The following NEXN variants were observed in gnomAD, a reference collection of about 807,000 sequenced individuals.
NEXN encodes the protein nexilin.
Under a neutral mutation model 92.6 loss-of-function variants are expected in NEXN, and 65 were observed. The observed-to-expected ratio is 0.70, with a 90% CI of 0.57 to 0.86. The LOEUF (loss-of-function observed/expected upper bound fraction) is 0.86. Ranked by LOEUF, NEXN falls within the 40% of genes least tolerant of loss-of-function variation. The pLI is 0.00. For missense variants in NEXN, 778 were observed against 771.1 expected (o/e 1.01, Z -0.11); for synonymous variants, 254 against 242.5 (o/e 1.05, Z -0.44).
intron 8 of NEXN, among the ~76,000 whole-genome samples, chr1:77,927,594 GTGTGTGTC>G (rs1350342760): frequency 4.1e-5 from 6 of 145,700 alleles, no homozygotes; most frequent in East Asian, 2.0e-4. Context: ...GCCTCTGTGT[GTGTGTGTC>G]TGTGTGTGTG....
At chr1:77,892,278 A>G (rs1281440090) in intron 1 of NEXN, among the ~76,000 whole-genome samples, 2 of 152,156 alleles carry the variant, frequency 1.3e-5, no homozygotes, top group African/African-American at 4.8e-5. Flanking sequence ...TGAATTGTAA[A>G]ATGGTGAAGT....
Position 77,929,497 on chromosome 1 carries a change from G to A in NEXN, c.1046G>A (p.Arg349Lys). The A allele has an allele frequency of 6.2e-7, 1 of 1,612,382 alleles. No individual in the cohort carries two copies. Among genetic ancestry groups the A allele is most frequent in the Non-Finnish European group, 8.5e-7 (1 of 1,179,826 alleles). ...AAGAAGGCGTTTGCTGAAGCAAGGA[G>A]AAATATGGTAAGACAGAAGCTAACT... The part of the protein sequence containing the change: ...EEKKAFAEAR[R>K]NMVVDDDSPE... Residue 349 changes from arginine (R) to lysine (K), a missense_variant, in exon 9 of 13, where the codon AGA (arginine) becomes AAA (lysine). By Grantham distance (26) the Arg-to-Lys change is conservative. This residue lies in a region of NEXN where 532 missense variants were observed against 476.7 expected (regional missense o/e 1.12). Coordinates refer to ENST00000334785, the MANE Select transcript of NEXN (RefSeq NM_144573.4).
chr1:77,907,627 T>A (rs1180342500), intron 1 of NEXN, among the ~76,000 whole-genome samples: 1 of 152,172 alleles, frequency 6.6e-6, no homozygotes, highest in Non-Finnish European at 1.5e-5. Flanking sequence ...AATGACATTT[T>A]AAAAAACGAT....
rs542308004 is a variant in NEXN at position 77,894,931 on chromosome 1, G to T, written c.-53+6172G>T. On this transcript the variant is annotated intron_variant, in intron 1 of 12. Coordinates refer to ENST00000334785, the MANE Select transcript of NEXN (RefSeq NM_144573.4). Reference sequence around the variant, plus strand: ...GAGTTTCACCATGTTGGCCAGGCTGGTCTCGAACTCCTTAGCTCGGGCAAT... The same window carrying T: ...GAGTTTCACCATGTTGGCCAGGCTGTTCTCGAACTCCTTAGCTCGGGCAAT... 4.0e-5 allele frequency among the ~76,000 whole-genome samples: 6 copies of T among 150,720 alleles called. No individual in the cohort carries two copies. The South Asian group carries it at 1.3e-3, about 31-fold the overall frequency.
Position 77,922,996 on chromosome 1 carries a change from T to C in NEXN, c.448-2192T>C, listed in dbSNP as rs185236596. Among the ~76,000 whole-genome samples the C allele has an allele frequency of 1.7e-4, 26 of 150,308 alleles. No individual in the cohort carries two copies. The East Asian group carries it at 4.8e-3, about 28-fold the overall frequency. The stretch of plus-strand genomic sequence containing the variant: ...CAGAATAATTTATTTTTCAAGAAAT[T>C]GGGTGTCTTTTTTTTTTTTTTTTTT... On this transcript the variant is annotated intron_variant, in intron 5 of 12. Transcript: ENST00000334785.
Position 77,937,523 on chromosome 1 carries a change from CTACAAAAA to C in NEXN, c.1473+1489_1473+1496del, listed in dbSNP as rs1171698970. 7.9e-5 allele frequency among the ~76,000 whole-genome samples: 12 copies of C among 152,130 alleles called. No homozygotes were observed. The East Asian group carries it at 2.1e-3, about 27-fold the overall frequency. ...TGGCCAACATAGTGAAACCCTGTCTCTACAAAAATACAAAAATTAGCCAGGCATAATGG... is the reference window on the plus strand; with the variant it reads ...TGGCCAACATAGTGAAACCCTGTCTCTACAAAAATTAGCCAGGCATAATGG... On this transcript the variant is annotated intron_variant, in intron 11 of 12. Transcript: ENST00000334785.
intron 1 of NEXN, among the ~76,000 whole-genome samples, chr1:77,890,900 A>G (rs1647092119): frequency 6.6e-6 from 1 of 152,220 alleles, no homozygotes; most frequent in Non-Finnish European, 1.5e-5. Flanking sequence ...TGTAGGCCAC[A>G]CACACACAGA....
chr1:77,907,314 C>T (rs770309450), intron 1 of NEXN, among the ~76,000 whole-genome samples: 23 of 152,166 alleles, frequency 1.5e-4, no homozygotes, highest in Admixed American at 2.6e-4. Flanking sequence ...TCATACTTCC[C>T]TTTTAATTAA....
intron 11 of NEXN, among the ~76,000 whole-genome samples, chr1:77,937,171 G>A (rs1335401259): frequency 1.3e-5 from 2 of 152,076 alleles, no homozygotes; most frequent in African/African-American, 4.8e-5. Context: ...GAGCACAGTG[G>A]TGCATGTCTG....
At chr1:77,909,911 C>T (rs562267601) in intron 1 of NEXN, among the ~76,000 whole-genome samples, 12 of 152,276 alleles carry the variant, frequency 7.9e-5, no homozygotes, top group African/African-American at 2.9e-4. Context: ...ATAACTTACA[C>T]AACCAATAAT....
intron 1 of NEXN, among the ~76,000 whole-genome samples, chr1:77,910,073 A>G (rs763758062): frequency 7.2e-5 from 11 of 152,246 alleles, no homozygotes; most frequent in South Asian, 2.1e-4. Context: ...GTAACTCACA[A>G]TATTAATAAA....
At chr1:77,933,122 T>C (rs763500599) in intron 9 of NEXN, 160 bp from the exon 10 acceptor site, 13 of 547,696 alleles carry the variant, frequency 2.4e-5, no homozygotes, top group African/African-American at 7.6e-5. Flanking sequence ...GATCACATCA[T>C]TGCACTCCAG....
chr1:77,921,876 T>A (rs1279168796), intron 5 of NEXN, among the ~76,000 whole-genome samples: 1 of 152,100 alleles, frequency 6.6e-6, no homozygotes, highest in Non-Finnish European at 1.5e-5. Flanking sequence ...ATTGCACCAC[T>A]GTACTCAAGC....
At chr1:77,925,848 T>A (rs981651829) in intron 6 of NEXN, among the ~76,000 whole-genome samples, 1 of 152,030 alleles carries the variant, frequency 6.6e-6, no homozygotes, top group Non-Finnish European at 1.5e-5. Flanking sequence ...AACAACAGAT[T>A]ATATAATTAA....
At position 77,918,135 on chromosome 1, in the gene NEXN, G is replaced by A. The variant is rs1451884986; in HGVS notation, c.309G>A (p.Lys103=). The A allele has an allele frequency of 6.2e-7, 1 of 1,613,888 alleles. No homozygotes were observed. The highest frequency in any genetic ancestry group is 8.5e-7 in the Non-Finnish European group (1 of 1,179,948). ...TTCATATATTTTTAGGAACTGTGAAGGGTAGATTTGCTGAAATGGAGAAAC... is the reference window on the plus strand; with the variant it reads ...TTCATATATTTTTAGGAACTGTGAAAGGTAGATTTGCTGAAATGGAGAAAC... The part of the protein sequence containing the change: ...AYVPKLTGTV[K]GRFAEMEKQR... Residue 103 remains lysine, a synonymous_variant, in exon 5 of 13, where the codon AAG becomes AAA. Transcript: ENST00000334785.
chr1:77,929,370 C>A lies in NEXN; in HGVS notation c.919C>A (p.Pro307Thr), dbSNP rs763586017. 16 of 1,613,562 alleles carry A rather than the reference C, an allele frequency of 9.9e-6. No individual in the cohort carries two copies. In the East Asian group the frequency reaches 3.6e-4, roughly 36 times the overall value. The change falls in exon 9 of 13, where the codon CCT (proline) becomes ACT (threonine). Residue 307 changes from proline to threonine, a missense_variant. By Grantham distance (38) the Pro-to-Thr change is conservative. Transcript: ENST00000334785. ...DTAKIFKGYR[P>T]GKLKLSFEEM... is the part of the protein sequence containing the mutation. ...AGCAAAAATTTTTAAAGGGTACCGC[C>A]CTGGTAAACTCAAACTCAGTTTTGA...
At chr1:77,934,706 G>A (rs1442874176) in intron 10 of NEXN, among the ~76,000 whole-genome samples, 3 of 152,172 alleles carry the variant, frequency 2.0e-5, no homozygotes, top group Admixed American at 6.5e-5. Flanking sequence ...GAATGGGGGC[G>A]TGTATTCGCC....
At chr1:77,920,732 C>CT (rs996070837) in intron 5 of NEXN, among the ~76,000 whole-genome samples, 2 of 150,880 alleles carry the variant, frequency 1.3e-5, no homozygotes, top group Non-Finnish European at 2.9e-5. Context: ...ATCTGTTTAT[C>CT]TTTGAGGATA....
In NEXN at chr1:77,941,987, G is replaced by A. The variant is rs760876544; in HGVS notation, c.1474-36G>A. 8 of 1,597,142 alleles carry A rather than the reference G, an allele frequency of 5.0e-6. No homozygotes were observed. In the Admixed American group the frequency reaches 6.8e-5, roughly 14 times the overall value. On this transcript the variant is annotated intron_variant, in intron 11 of 12. Transcript: ENST00000334785. The stretch of plus-strand genomic sequence containing the variant: ...AGTAACGCTTCTTTGTTTTTAGAAG[G>A]CAAGCAATTGTTAATCTTGGCCCAC...
Sources: allele counts gnomAD v4.1 joint callset (sites outside exome capture counted in the v4.1 genomes callset), GRCh38; gene constraint gnomAD v4.1.1; regional missense constraint gnomAD v4.1.1; transcripts MANE v1.5; gene names NCBI Gene and HGNC (gene_info 2026-07-23, HGNC 2026-07-21).